Variants in RUNX1T1 observed in about 807,000 individuals in gnomAD.
RUNX1T1 encodes the protein RUNX1 partner transcriptional co-repressor 1, also known as protein CBFA2T1.
Under a neutral mutation model 62.8 loss-of-function variants are expected in RUNX1T1, and 4 were observed. The observed-to-expected ratio is 0.06, with a 90% CI of 0.03 to 0.15. The LOEUF is 0.15. RUNX1T1 is among the 10% of genes least tolerant of loss of function. The probability of loss-of-function intolerance (pLI) is 1.00; values close to 1 mark genes in which losing one functional copy is unlikely to be tolerated. For synonymous variants in RUNX1T1, 291 were observed against 286.0 expected (o/e 1.02, Z -0.18); for missense variants, 508 against 754.3 (o/e 0.67, Z 3.82).
At chr8:91,971,883 T>A (rs1223477654) in intron 9 of RUNX1T1, among the ~76,000 whole-genome samples, 1 of 152,168 alleles carries the variant, frequency 6.6e-6, no homozygotes, top group Non-Finnish European at 1.5e-5. Flanking sequence ...ATTTCCATTT[T>A]AAAAAATTAA....
chr8:91,986,093 T>C, intron 8 of RUNX1T1, 31 bp downstream of exon 9: 1 of 1,445,720 alleles, frequency 6.9e-7, no homozygotes, highest in Non-Finnish European at 9.7e-7. Context: ...GAAATATGTG[T>C]TTTCGAGATA....
chr8:92,027,356 ACT>A (rs1481858783), intron 1 of RUNX1T1, among the ~76,000 whole-genome samples: 1 of 152,092 alleles, frequency 6.6e-6, no homozygotes, highest in South Asian at 2.1e-4. Flanking sequence ...TAGAACAATG[ACT>A]CTGAAATGTT....
intron 10 of RUNX1T1, among the ~76,000 whole-genome samples, chr8:91,968,984 C>T (rs1404631147): frequency 6.6e-6 from 1 of 151,952 alleles, no homozygotes; most frequent in Non-Finnish European, 1.5e-5. Flanking sequence ...AAACCCTTTC[C>T]TCTACCATGG....
exon 11 of RUNX1T1, chr8:91,960,048 A>T: frequency 1.6e-6 from 1 of 609,784 alleles, no homozygotes; most frequent in Non-Finnish European, 2.9e-6. Flanking sequence ...ATAAGTCATT[A>T]CGACCCGTTA....
intron 3 of RUNX1T1, 35 bp downstream of exon 4, chr8:92,014,544 C>A: frequency 3.8e-6 from 6 of 1,564,160 alleles, no homozygotes; most frequent in Non-Finnish European, 8.7e-7. Context: ...CTATCCCTTA[C>A]ACCAAGAAAA....
chr8:91,960,629 C>T (rs1810230122), intron 10 of RUNX1T1, 112 bp from the exon 12 acceptor site: 9 of 1,174,678 alleles, frequency 7.7e-6, no homozygotes, highest in Non-Finnish European at 1.1e-5. Flanking sequence ...ACTATACAGT[C>T]AGGATGAAAA....
intron 9 of RUNX1T1, among the ~76,000 whole-genome samples, chr8:91,975,313 T>C (rs1170369365): frequency 6.6e-6 from 1 of 152,234 alleles, no homozygotes; most frequent in Non-Finnish European, 1.5e-5. Context: ...AAGCAGATAG[T>C]GTATATGAAA....
chr8:91,968,447 G>C (rs1812098688), intron 10 of RUNX1T1, among the ~76,000 whole-genome samples: 1 of 152,094 alleles, frequency 6.6e-6, no homozygotes. Flanking sequence ...TTAGAAAACA[G>C]AACAATCCAT....
intron 2 of RUNX1T1, among the ~76,000 whole-genome samples, chr8:92,016,305 C>T (rs993516084): frequency 6.6e-6 from 1 of 152,126 alleles, no homozygotes; most frequent in Non-Finnish European, 1.5e-5. Flanking sequence ...GAAAGCAATA[C>T]ACTCTATTGA....
intron 6 of RUNX1T1, 149 bp downstream of exon 7, chr8:91,991,490 G>GT (rs927897099): frequency 1.5e-5 from 13 of 858,562 alleles, no homozygotes; most frequent in African/African-American, 8.5e-5. Flanking sequence ...TACCAATCAA[G>GT]TTTTTTTCAT....
At chr8:92,101,851 AGGTCTG>A (rs911211006), upstream of RUNX1T1, among the ~76,000 whole-genome samples, 6 of 152,168 alleles carry the variant, frequency 3.9e-5, no homozygotes, top group African/African-American at 1.4e-4. Flanking sequence ...CCCGGGAAAG[AGGTCTG>A]GGTGCGCCAA....
At chr8:91,968,168 C>T (rs1298232010) in intron 10 of RUNX1T1, among the ~76,000 whole-genome samples, 2 of 152,040 alleles carry the variant, frequency 1.3e-5, no homozygotes, top group African/African-American at 2.4e-5. Flanking sequence ...TTCTGCCACA[C>T]GTATCTGCCT....
At chr8:92,087,692 A>T (rs565567226) in intron 1 of RUNX1T1, among the ~76,000 whole-genome samples, 8 of 152,190 alleles carry the variant, frequency 5.3e-5, no homozygotes, top group African/African-American at 1.9e-4. Flanking sequence ...AACATTTACT[A>T]AATATTTATC....
rs780795636 is a variant in RUNX1T1 at position 91,986,867 on chromosome 8, A to C, written c.996+20T>G. 3 of 1,496,168 alleles carry C rather than the reference A, an allele frequency of 2.0e-6. No individual in the cohort carries two copies. Among genetic ancestry groups the C allele is most frequent in the African/African-American group, 2.8e-5 (2 of 72,306 alleles). The allele number at this position is 1,496,168 out of a possible 1,614,324, so 92.7% of individuals were successfully genotyped here. On this transcript the variant is annotated intron_variant, in intron 7 of 10. Transcript: ENST00000396218. ...GTTTTCCAAACATTTTTTAATCCCA[A>C]ATGATTACTGATGTCTTACATGGTC...
At chr8:91,960,388 C>T (rs542272217) in exon 11 of RUNX1T1, 2 of 1,614,156 alleles carry the variant, frequency 1.2e-6, no homozygotes, top group South Asian at 2.2e-5. Context: ...TGCTGCTGGG[C>T]CTGCAGGGTC....
At chr8:92,061,948 C>G (rs1832106515) in intron 1 of RUNX1T1, among the ~76,000 whole-genome samples, 1 of 152,196 alleles carries the variant, frequency 6.6e-6, no homozygotes, top group Admixed American at 6.5e-5. Context: ...TCAGAGGAAA[C>G]TGACATGCAC....
intron 4 of RUNX1T1, chr8:92,006,747 C>T (rs997948133): frequency 3.3e-4 from 49 of 150,342 alleles, no homozygotes; most frequent in African/African-American, 1.1e-3. Context: ...GTGCCATGGT[C>T]GTTTGTTGCA....
intron 1 of RUNX1T1, among the ~76,000 whole-genome samples, chr8:92,019,639 C>G (rs936195825): frequency 6.6e-6 from 1 of 152,030 alleles, no homozygotes; most frequent in Admixed American, 6.6e-5. Flanking sequence ...TAAACTTAAA[C>G]ATATTTGAAG....
chr8:91,960,291 C>A (rs1243617077), exon 11 of RUNX1T1: 1 of 1,610,096 alleles, frequency 6.2e-7, no homozygotes, highest in Non-Finnish European at 8.5e-7. Context: ...GGTGGTTGAC[C>A]TCGGAGTGGC....
Sources: gnomAD v4.1 joint callset for allele counts (sites outside exome capture counted in the v4.1 genomes callset) on GRCh38, gnomAD v4.1.1 for gene constraint, MANE v1.5 for transcripts, NCBI Gene and HGNC (gene_info 2026-07-23, HGNC 2026-07-21) for gene names.